CTSB: variants seen among roughly 807,000 people sequenced by gnomAD.
The protein encoded by CTSB is APP secretase.
In CTSB, 57 loss-of-function variants were observed where a neutral mutation model predicts 44.3. The observed-to-expected ratio is 1.29, with a 90% confidence interval of 1.04 to 1.60. The LOEUF (loss-of-function observed/expected upper bound fraction) is 1.60. Among genes scored for constraint, CTSB ranks in the 40% most tolerant of loss-of-function variants. CTSB has a pLI of 0.00. For synonymous variants in CTSB, 320 were observed against 168.0 expected (o/e 1.91, Z -7.00); for missense variants, 768 against 443.0 (o/e 1.73, Z -6.59).
intron 3 of CTSB, among the ~76,000 whole-genome samples, chr8:11,851,567 C>T (rs968947613): frequency 2.6e-5 from 4 of 152,128 alleles, no homozygotes; most frequent in African/African-American, 4.8e-5. Flanking sequence ...AAATTATAAA[C>T]TCATTTTTAA....
In CTSB at chr8:11,853,379, G is replaced by C. The variant is rs12338; in HGVS notation, c.76C>G (p.Leu26Val). The change falls in exon 2 of 10, where the codon CTG becomes GTG. Residue 26 changes from leucine to valine, a missense_variant. Physicochemically the swap from Leu to Val is conservative, Grantham distance 32. Transcript: ENST00000353047. ...NARSRPSFHP[L>V]SDELVNYVNK... ...ACATAGTTGACCAGCTCATCCGACA[G>C]GGGATGGAAAGAGGGCCTGCTCCGG... The C allele has an allele frequency of 0.38, 616,677 of 1,611,564 alleles. 119,157 individuals carry two copies. The highest frequency in any genetic ancestry group is 0.5 in the East Asian group (22,428 of 44,742).
At chr8:11,849,684 A>T (rs1401007194) in intron 4 of CTSB, 1 of 152,168 alleles carries the variant, frequency 6.6e-6, no homozygotes, top group African/African-American at 2.4e-5. Flanking sequence ...GGGTTCAAGC[A>T]ATTCTCCTGC....
chr8:11,842,936 CTTT>C lies in CTSB; in HGVS notation c.*2186_*2188del, dbSNP rs56927740. The C allele has an allele frequency of 0.34, 30,593 of 91,028 alleles. 4,611 individuals are homozygous for C. The highest frequency in any genetic ancestry group is 0.52 in the East Asian group (1,568 of 3,034). 5.6% of individuals were successfully genotyped at this position (91,028 alleles called of 1,614,324 possible). ...ACAGGCTTGAGCCACTGCGCCCGGC[CTTT>C]TTTTTTTTTTTTTTTTTTTTAATTA... On this transcript the variant is annotated 3_prime_UTR_variant, in exon 10 of 10. Transcript: ENST00000353047.
In CTSB at chr8:11,853,572, C is replaced by A. The variant is rs989945295; in HGVS notation, c.-25-93G>T. ...CACCGTCTCGGGCATCAGTGGGGAC[C>A]CCCATGCTCGTCCTGGCCCAGGCGG... On this transcript the variant is annotated intron_variant, in intron 1 of 9. Transcript: ENST00000353047. The A allele has an allele frequency of 1.7e-5, 22 of 1,292,314 alleles. No homozygotes were observed. In the African/African-American group the frequency reaches 3.1e-4, roughly 18 times the overall value. The allele number at this position is 1,292,314 out of a possible 1,614,324, so 80.1% of individuals were successfully genotyped here.
chr8:11,849,211 G>T, intron 4 of CTSB, 47 bp from the exon 5 acceptor site: 1 of 1,514,160 alleles, frequency 6.6e-7, no homozygotes, highest in Non-Finnish European at 9.1e-7. Flanking sequence ...TCCGGGCTGG[G>T]CCCTCTGCAG....
rs774321061 is a variant in CTSB at position 11,847,118 on chromosome 8, T to A, written c.727A>T (p.Ile243Phe). The A allele has an allele frequency of 6.2e-7, 1 of 1,613,908 alleles. No homozygotes were observed. The highest frequency in any genetic ancestry group is 8.5e-7 in the Non-Finnish European group (1 of 1,179,814). The change falls in exon 8 of 10, where the codon ATC (isoleucine) becomes TTC (phenylalanine). Residue 243 changes from isoleucine to phenylalanine, a missense_variant. Ile to Phe is a conservative substitution (Grantham distance 21). Transcript: ENST00000353047. ...SNSEKDIMAE[I>F]YKNGPVEGAF... is the part of the protein sequence containing the mutation. ...CCCTCCACGGGGCCGTTTTTGTAGA[T>A]CTCGGCCATGATGTCCTTCTCGCTA... is the stretch of plus-strand genomic sequence containing the variant.
At chr8:11,850,661 T>A in intron 4 of CTSB, 1 of 460,190 alleles carries the variant, frequency 2.2e-6, no homozygotes, top group Non-Finnish European at 4.0e-6. Context: ...TGCAATCTGC[T>A]GGATGCTCTG....
Position 11,849,074 on chromosome 8 carries a change from T to G in CTSB, c.418A>C (p.Thr140Pro). 6.2e-7 allele frequency: 1 copy of G among 1,613,300 alleles called. No homozygotes were observed. Among genetic ancestry groups the G allele is most frequent in the Non-Finnish European group, 8.5e-7 (1 of 1,179,654 alleles). The change falls in exon 5 of 10, where the codon ACA becomes CCA. Residue 140 changes from threonine to proline, a missense_variant. Transcript: ENST00000353047. ...TCCCCACACATGCTGCCACAGCATG[T>G]GAGCAGGTCCTCCGCCGACACCTCC... ...SVEVSAEDLLTCCGSMCGDGC... is the reference protein window; with the variant it reads ...SVEVSAEDLLPCCGSMCGDGC...
intron 4 of CTSB, chr8:11,850,578 G>C (rs1814404112): frequency 1.1e-5 from 3 of 284,322 alleles, no homozygotes; most frequent in Admixed American, 4.5e-5. Context: ...GTAGCAGTGA[G>C]AGCTCCTGGT....
intron 1 of CTSB, chr8:11,864,470 G>T (rs58502743): frequency 6.6e-6 from 1 of 151,976 alleles, no homozygotes; most frequent in East Asian, 1.9e-4. Flanking sequence ...CAGCCTGGGA[G>T]ACAAAGCAAG....
intron 1 of CTSB, among the ~76,000 whole-genome samples, chr8:11,863,210 C>A (rs1390416303): frequency 6.6e-6 from 1 of 152,112 alleles, no homozygotes; most frequent in South Asian, 2.1e-4. Flanking sequence ...CCTGTAATCT[C>A]AGCACTTAGG....
chr8:11,850,419 C>CA (rs61067792), intron 4 of CTSB, among the ~76,000 whole-genome samples: 5,686 of 53,588 alleles, frequency 0.11, 286 homozygotes, highest in Non-Finnish European at 0.14. Flanking sequence ...ACTCCATCTC[C>CA]AAAAAAAAAA....
At chr8:11,852,055 C>T (rs1253228899) in intron 3 of CTSB, among the ~76,000 whole-genome samples, 7 of 152,132 alleles carry the variant, frequency 4.6e-5, no homozygotes, top group African/African-American at 1.7e-4. Context: ...GTCACATCTG[C>T]GGCTGAGACA....
chr8:11,851,871 T>C (rs1814650676), intron 3 of CTSB, among the ~76,000 whole-genome samples: 1 of 152,000 alleles, frequency 6.6e-6, no homozygotes, highest in Non-Finnish European at 1.5e-5. Context: ...TTCATCATGT[T>C]GGTCAGACTG....
At chr8:11,852,375 C>CA (rs958357556) in intron 3 of CTSB, among the ~76,000 whole-genome samples, 7 of 150,542 alleles carry the variant, frequency 4.6e-5, no homozygotes, top group Admixed American at 1.3e-4. Context: ...TCTCAAAAAC[C>CA]AAAAAAAAGC....
intron 1 of CTSB, among the ~76,000 whole-genome samples, chr8:11,863,666 G>A (rs975705839): frequency 1.3e-5 from 2 of 152,176 alleles, no homozygotes; most frequent in Non-Finnish European, 1.5e-5. Flanking sequence ...CTAGGCATAA[G>A]TGGGTTACTG....
Position 11,852,566 on chromosome 8 carries a change from G to A in CTSB, c.212+44C>T, listed in dbSNP as rs767958571. 5.2e-6 allele frequency: 8 copies of A among 1,531,138 alleles called. No homozygotes were observed. In the South Asian group the frequency reaches 5.7e-5, roughly 11 times the overall value. The allele number at this position is 1,531,138 out of a possible 1,614,324, so 94.8% of individuals were successfully genotyped here. A position where few individuals can be genotyped will look rare whatever the true frequency, so the allele number is the denominator to read the frequency against. On this transcript the variant is annotated intron_variant, in intron 3 of 9. Transcript: ENST00000353047. ...CCACTTCCCACTGCCCCAAACCAAC[G>A]CCTGCCACTCACATTACAGCGGTGC...
At position 11,848,263 on chromosome 8, in the gene CTSB, A is replaced by C. The variant is rs763300089; in HGVS notation, c.447-111T>G. ...CACTCGTGGACCCACCCCCAGCTGC[A>C]GCAAGTGGTGCGAGCAGACCTCCCA... On this transcript the variant is annotated intron_variant, in intron 5 of 9. Transcript: ENST00000353047. 3 of 921,192 alleles carry C rather than the reference A, an allele frequency of 3.3e-6. No homozygotes were observed. In the African/African-American group the frequency reaches 4.9e-5, roughly 15 times the overall value. The allele number at this position is 921,192 out of a possible 1,614,324, so 57.1% of individuals were successfully genotyped here.
intron 1 of CTSB, chr8:11,862,403 T>A (rs529801700): frequency 3.7e-4 from 56 of 152,268 alleles, no homozygotes; most frequent in African/African-American, 1.3e-3. Flanking sequence ...ACTGGGAGCG[T>A]GAAAAGCCAT....
Sources: allele counts gnomAD v4.1 joint callset (sites outside exome capture counted in the v4.1 genomes callset), GRCh38; gene constraint gnomAD v4.1.1; transcripts MANE v1.5; gene names NCBI Gene and HGNC (gene_info 2026-07-23, HGNC 2026-07-21).